The following LRBA variants were observed in gnomAD, a reference collection of about 807,000 sequenced individuals.
The protein encoded by LRBA is lipopolysaccharide-responsive and beige-like anchor protein.
A neutral mutation model predicts 330.0 loss-of-function variants in LRBA; 176 were observed. The ratio of observed to expected loss-of-function variants is 0.53; its 90% CI spans 0.47 to 0.60. The LOEUF (loss-of-function observed/expected upper bound fraction) is 0.60. LRBA is among the 20% of genes least tolerant of loss of function. The pLI is 0.00. For synonymous variants in LRBA, 1,230 were observed against 1,193.0 expected (o/e 1.03, Z -0.64); for missense variants, 3,259 against 3,444.8 (o/e 0.95, Z 1.35).
chr4:150,449,715 C>G (rs1248804922), intron 44 of LRBA, among the ~76,000 whole-genome samples: 1 of 152,030 alleles, frequency 6.6e-6, no homozygotes, highest in Admixed American at 6.6e-5. Flanking sequence ...CTAAGCTTAT[C>G]TATTGACTAG....
intron 41 of LRBA, among the ~76,000 whole-genome samples, chr4:150,489,183 A>ATT (rs1758376289): frequency 2.6e-4 from 32 of 124,608 alleles, no homozygotes; most frequent in Non-Finnish European, 3.8e-4. Context: ...ATAAGTATAT[A>ATT]ATATATTATA....
intron 44 of LRBA, among the ~76,000 whole-genome samples, chr4:150,454,578 T>C (rs961739841): frequency 2.0e-5 from 3 of 152,028 alleles, no homozygotes; most frequent in African/African-American, 7.2e-5. Context: ...CTTTTATTTT[T>C]CTTTTTTAAA....
chr4:150,522,888 C>T (rs944430982), intron 40 of LRBA, among the ~76,000 whole-genome samples: 1 of 152,158 alleles, frequency 6.6e-6, no homozygotes, highest in African/African-American at 2.4e-5. Context: ...GAATAGAGCC[C>T]CCACTAGGGC....
intron 45 of LRBA, among the ~76,000 whole-genome samples, 172 bp from the exon 46 acceptor site, chr4:150,435,880 T>C (rs1313583351): frequency 6.6e-6 from 1 of 152,152 alleles, no homozygotes; most frequent in Admixed American, 6.5e-5. Flanking sequence ...CTCAAGTTAT[T>C]TTTCCCTCAA....
chr4:150,960,342 T>C lies in LRBA; in HGVS notation c.217-31277A>G, dbSNP rs542546268. On this transcript the variant is annotated intron_variant, in intron 2 of 56. Coordinates refer to ENST00000651943, the MANE Select transcript of LRBA (RefSeq NM_001364905.1). ...GAATCAACTTCCAATTTGCAGGAAATACGGAGGACACAAGAACATGTTAAA... is the reference window on the plus strand; with the variant it reads ...GAATCAACTTCCAATTTGCAGGAAACACGGAGGACACAAGAACATGTTAAA... 4.0e-4 allele frequency among the ~76,000 whole-genome samples: 59 copies of C among 148,352 alleles called. 6 individuals are homozygous for C. The highest frequency in any genetic ancestry group is 1.5e-3 in the African/African-American group (58 of 37,982).
intron 14 of LRBA, 54 bp downstream of exon 14, chr4:150,899,995 A>AT (rs1207933359): frequency 1.4e-4 from 191 of 1,388,964 alleles, no homozygotes; most frequent in Non-Finnish European, 1.6e-5. Flanking sequence ...AAAAAGAAAA[A>AT]TTAAATCCTG....
chr4:151,014,509 C>T lies in LRBA; in HGVS notation c.134G>A (p.Arg45Lys), dbSNP rs1745213497. The T allele has an allele frequency of 1.2e-6, 2 of 1,614,202 alleles. No homozygotes were observed. Among genetic ancestry groups the T allele is most frequent in the Non-Finnish European group, 1.7e-6 (2 of 1,180,036 alleles). The part of the protein sequence containing the change: ...LKPGLPIRGI[R>K]MKFAVLTGLV... ...ACCGGTCAACACGGCAAATTTCATTCTGATGCCCCTGATGGGGAGCCCTGG... is the reference window on the plus strand; with the variant it reads ...ACCGGTCAACACGGCAAATTTCATTTTGATGCCCCTGATGGGGAGCCCTGG... Residue 45 changes from arginine to lysine, a missense_variant, in exon 2 of 57, where the codon AGA becomes AAA. Coordinates refer to ENST00000651943, the MANE Select transcript of LRBA (RefSeq NM_001364905.1).
intron 5 of LRBA, among the ~76,000 whole-genome samples, chr4:150,918,510 AG>A (rs1267019023): frequency 6.6e-6 from 1 of 152,230 alleles, no homozygotes; most frequent in African/African-American, 2.4e-5. Flanking sequence ...GCACTTTGGG[AG>A]GCTGAGGCAG....
chr4:150,487,929 G>C (rs1272964296), intron 41 of LRBA, 95 bp from the exon 42 acceptor site: 1 of 554,778 alleles, frequency 1.8e-6, no homozygotes, highest in African/African-American at 1.9e-5. Flanking sequence ...TTTTAATTCA[G>C]GTATCTATTA....
intron 2 of LRBA, among the ~76,000 whole-genome samples, chr4:151,000,871 A>G (rs1420482164): frequency 6.6e-6 from 1 of 152,250 alleles, no homozygotes; most frequent in Admixed American, 6.5e-5. Flanking sequence ...AAGGAGAGGG[A>G]AACAAGACAG....
At chr4:150,984,262 C>CA (rs1263443495) in intron 2 of LRBA, among the ~76,000 whole-genome samples, 1 of 152,224 alleles carries the variant, frequency 6.6e-6, no homozygotes, top group African/African-American at 2.4e-5. Context: ...CCTGTAATCC[C>CA]AGCACTTTGG....
In LRBA at chr4:150,844,783, T is replaced by C; in HGVS notation, c.4340-4A>G. The C allele has an allele frequency of 6.2e-7, 1 of 1,607,596 alleles. No individual in the cohort carries two copies. The highest frequency in any genetic ancestry group is 1.1e-5 in the South Asian group (1 of 89,388). On this transcript the variant is annotated splice_region_variant and splice_polypyrimidine_tract_variant and intron_variant, in intron 26 of 56. Coordinates refer to ENST00000651943, the MANE Select transcript of LRBA (RefSeq NM_001364905.1). Reference sequence around the variant, plus strand: ...TTCCTTACTGCGACTGCACAAACTGTAATTTATTTTAAGGAAAAGATAGGG... The same window carrying C: ...TTCCTTACTGCGACTGCACAAACTGCAATTTATTTTAAGGAAAAGATAGGG...
chr4:150,569,543 G>A (rs545478068), intron 40 of LRBA, among the ~76,000 whole-genome samples: 3 of 152,160 alleles, frequency 2.0e-5, no homozygotes, highest in Non-Finnish European at 2.9e-5. Context: ...CAGACTGGAC[G>A]GTTCATTAGT....
chr4:150,712,005 C>T (rs1007012420), intron 36 of LRBA, among the ~76,000 whole-genome samples: 3 of 152,082 alleles, frequency 2.0e-5, no homozygotes, highest in African/African-American at 7.2e-5. Flanking sequence ...CTATCTAGTC[C>T]ATTTCTTATC....
chr4:150,529,675 T>A (rs1181736054), intron 40 of LRBA, among the ~76,000 whole-genome samples: 1 of 149,882 alleles, frequency 6.7e-6, no homozygotes, highest in East Asian at 2.0e-4. Context: ...TGAGCCGAGA[T>A]CATGCCACTG....
chr4:150,851,811 AAATTT>A (rs1408759787), intron 23 of LRBA, 69 bp downstream of exon 23: 42 of 1,384,418 alleles, frequency 3.0e-5, no homozygotes, highest in Non-Finnish European at 3.9e-5. Context: ...AAATAAAATA[AAATTT>A]AAGTATATAC....
chr4:150,732,465 C>T (rs184079984), intron 36 of LRBA, among the ~76,000 whole-genome samples: 3 of 151,876 alleles, frequency 2.0e-5, no homozygotes, highest in South Asian at 2.1e-4. Flanking sequence ...TTCAACAGTA[C>T]GTTATCATTC....
At chr4:151,008,609 T>C (rs1001614951) in intron 2 of LRBA, among the ~76,000 whole-genome samples, 1 of 151,778 alleles carries the variant, frequency 6.6e-6, no homozygotes, top group Non-Finnish European at 1.5e-5. Flanking sequence ...AAAATCACCA[T>C]ATAAATGGAC....
At chr4:150,649,884 G>A (rs577826324) in intron 37 of LRBA, among the ~76,000 whole-genome samples, 9 of 151,932 alleles carry the variant, frequency 5.9e-5, no homozygotes, top group Non-Finnish European at 1.0e-4. Flanking sequence ...ACAAATATGC[G>A]GGTGTGTTTC....
Sources: allele counts gnomAD v4.1 joint callset (sites outside exome capture counted in the v4.1 genomes callset), GRCh38; gene constraint gnomAD v4.1.1; transcripts MANE v1.5; gene names NCBI Gene and HGNC (gene_info 2026-07-23, HGNC 2026-07-21).